The following BCLAF3 variants were observed in gnomAD, a reference collection of about 807,000 sequenced individuals.
BCLAF3 encodes BCLAF1 and THRAP3 family member 3, also known as transient octamer binding factor 1.
A neutral mutation model predicts 51.2 loss-of-function variants in BCLAF3; 24 were observed. The observed-to-expected ratio is 0.47, with a 90% CI of 0.34 to 0.66. BCLAF3 has a LOEUF of 0.66. Ranked by LOEUF, BCLAF3 falls within the 30% of genes least tolerant of loss-of-function variation. The pLI, the probability that BCLAF3 is intolerant of heterozygous loss-of-function variation, is 0.01. For synonymous variants in BCLAF3, 152 were observed against 176.6 expected, an observed-to-expected ratio of 0.86 and a Z score of 1.10; for missense variants, 465 against 525.1, an observed-to-expected ratio of 0.89 and a Z score of 1.12.
intron 1 of BCLAF3, among the ~76,000 whole-genome samples, chrX:19,989,290 G>A (rs1396260517): frequency 9.0e-6 from 1 of 111,481 alleles, no homozygotes; most frequent in African/African-American, 3.3e-5. Flanking sequence ...GAGGTCAGGA[G>A]TTTGAGACCA....
intron 1 of BCLAF3, among the ~76,000 whole-genome samples, chrX:19,987,080 A>G (rs184883525): frequency 1.1e-3 from 124 of 110,677 alleles, no homozygotes; most frequent in Non-Finnish European, 1.5e-3. Flanking sequence ...TGCTGGGATT[A>G]TAAGTATGAA....
intron 10 of BCLAF3, 145 bp from the exon 11 acceptor site, chrX:19,930,085 CT>C: frequency 2.1e-6 from 1 of 479,408 alleles, no homozygotes; most frequent in Non-Finnish European, 3.3e-6. Flanking sequence ...ACTCCTCAAG[CT>C]GATCGCTTGA....
At chrX:19,919,051 C>T (rs2070035842) in intron 11 of BCLAF3, among the ~76,000 whole-genome samples, 1 of 111,190 alleles carries the variant, frequency 9.0e-6, no homozygotes, top group Non-Finnish European at 1.9e-5. Flanking sequence ...TCTAGTGCCA[C>T]CACATCAAAC....
At chrX:19,978,209 G>GT (rs1569510232) in intron 1 of BCLAF3, among the ~76,000 whole-genome samples, 1 of 111,983 alleles carries the variant, frequency 8.9e-6, no homozygotes, top group African/African-American at 3.2e-5. Context: ...AATACGTTTT[G>GT]TAAGACTATA....
rs769547704 is a variant in BCLAF3 at position 19,932,389 on chromosome X, G to C, written c.1951-2449C>G. On this transcript the variant is annotated intron_variant, in intron 10 of 11. Transcript: ENST00000379682. The stretch of plus-strand genomic sequence containing the variant: ...GTGGCCCCTTTTAGAATGTTTCAGG[G>C]AAAGAGTTTACTATTTGTAAATGAT... 8.1e-5 allele frequency among the ~76,000 whole-genome samples: 9 copies of C among 111,598 alleles called. No individual in the cohort carries two copies. The East Asian group carries it at 2.5e-3, about 31-fold the overall frequency.
intron 1 of BCLAF3, among the ~76,000 whole-genome samples, chrX:19,984,450 G>A (rs2072729007): frequency 9.0e-6 from 1 of 110,605 alleles, no homozygotes; most frequent in African/African-American, 3.3e-5. Flanking sequence ...TGATACTAAT[G>A]AATACAGTTT....
At chrX:19,980,975 A>G (rs2072593238) in intron 1 of BCLAF3, among the ~76,000 whole-genome samples, 1 of 110,324 alleles carries the variant, frequency 9.1e-6, no homozygotes, top group Admixed American at 9.8e-5. Flanking sequence ...ATTGTGATAG[A>G]GTTAAAAAAA....
chrX:19,921,085 A>T (rs2070140100), intron 11 of BCLAF3, among the ~76,000 whole-genome samples: 1 of 111,695 alleles, frequency 9.0e-6, no homozygotes, highest in Non-Finnish European at 1.9e-5. Flanking sequence ...AAAAGCAGAG[A>T]GTCTATGGGG....
chrX:19,920,786 A>ATTCCAG (rs1795785558), intron 11 of BCLAF3, among the ~76,000 whole-genome samples: 1 of 107,739 alleles, frequency 9.3e-6, no homozygotes, highest in African/African-American at 3.4e-5. Flanking sequence ...ACACCATTGC[A>ATTCCAG]TTCCAGCCTG....
chrX:19,973,039 T>C (rs1364196548), intron 1 of BCLAF3, among the ~76,000 whole-genome samples: 1 of 112,072 alleles, frequency 8.9e-6, no homozygotes, highest in East Asian at 2.8e-4. Context: ...ATGTTTAACT[T>C]TTTGAGGATC....
intron 1 of BCLAF3, among the ~76,000 whole-genome samples, chrX:19,977,598 G>C (rs1218927601): frequency 8.9e-6 from 1 of 112,469 alleles, no homozygotes; most frequent in Non-Finnish European, 1.9e-5. Context: ...TGACGTTTAA[G>C]GAAAGAAGCC....
chrX:19,950,838 G>A lies in BCLAF3; in HGVS notation c.1660C>T (p.Leu554=), dbSNP rs772092962. The change falls in exon 8 of 12, where the codon CTA becomes TTA. Residue 554 remains leucine, a synonymous_variant. Transcript: ENST00000379682. ...CGCCTTCTTTCAATGTCATGTCGTAGGTCATTTGGATCTATTATTTTGATC... is the reference window on the plus strand; with the variant it reads ...CGCCTTCTTTCAATGTCATGTCGTAAGTCATTTGGATCTATTATTTTGATC... The part of the protein sequence containing the change: ...TLIKIIDPND[L]RHDIERRRKE... The A allele has an allele frequency of 3.3e-6, 4 of 1,208,122 alleles. No homozygotes were observed. The highest frequency in any genetic ancestry group is 4.5e-6 in the Non-Finnish European group (4 of 892,843).
intron 1 of BCLAF3, among the ~76,000 whole-genome samples, chrX:19,980,791 TAGAC>T (rs1485136734): frequency 2.8e-5 from 3 of 109,012 alleles, no homozygotes; most frequent in Non-Finnish European, 3.8e-5. Flanking sequence ...TACAAAAAAT[TAGAC>T]AGGCGTGGTG....
At chrX:19,967,392 C>G (rs1348264883) in intron 2 of BCLAF3, among the ~76,000 whole-genome samples, 1 of 111,711 alleles carries the variant, frequency 9.0e-6, no homozygotes, top group Non-Finnish European at 1.9e-5. Context: ...ATGTGCTGTT[C>G]GAACAGAGCT....
intron 2 of BCLAF3, among the ~76,000 whole-genome samples, chrX:19,967,675 A>G (rs2072106661): frequency 9.0e-6 from 1 of 111,623 alleles, no homozygotes; most frequent in South Asian, 3.7e-4. Flanking sequence ...CTCCTCCCTG[A>G]GGGTTTAATG....
At chrX:19,920,779 C>T (rs1351308781) in intron 11 of BCLAF3, among the ~76,000 whole-genome samples, 3 of 106,703 alleles carry the variant, frequency 2.8e-5, no homozygotes, top group Non-Finnish European at 3.9e-5. Context: ...TGTGATCACA[C>T]CATTGCATTC....
chrX:19,968,491 C>G (rs2072135502), intron 2 of BCLAF3, among the ~76,000 whole-genome samples: 1 of 112,931 alleles, frequency 8.9e-6, no homozygotes, highest in African/African-American at 3.2e-5. Flanking sequence ...GTACTATAAC[C>G]CCACTGCCTG....
chrX:19,933,956 T>G (rs749215721), intron 10 of BCLAF3, among the ~76,000 whole-genome samples: 2 of 110,544 alleles, frequency 1.8e-5, no homozygotes, highest in Admixed American at 1.9e-4. Context: ...TTGTATTTTT[T>G]GTAGAGACGG....
At chrX:19,943,544 T>G (rs2071127357) in intron 8 of BCLAF3, among the ~76,000 whole-genome samples, 2 of 89,873 alleles carry the variant, frequency 2.2e-5, no homozygotes. Context: ...CAGTAGTCAT[T>G]CAGGAGCAGG....
Sources: gnomAD v4.1 joint callset for allele counts (sites outside exome capture counted in the v4.1 genomes callset) on GRCh38, gnomAD v4.1.1 for gene constraint, MANE v1.5 for transcripts, NCBI Gene and HGNC (gene_info 2026-07-23, HGNC 2026-07-21) for gene names.